NKAIN2: variants seen among roughly 807,000 people sequenced by gnomAD.
The protein encoded by NKAIN2 is sodium/potassium-transporting ATPase subunit beta-1-interacting protein 2.
A neutral mutation model predicts 32.6 loss-of-function variants in NKAIN2; 14 were observed. That is an observed-to-expected ratio of 0.43 (90% confidence interval 0.28 to 0.67). The LOEUF (loss-of-function observed/expected upper bound fraction) is 0.67, where lower values mean the gene tolerates loss of function less well. NKAIN2 is among the 30% of genes least tolerant of loss of function. The pLI is 0.17. For synonymous variants in NKAIN2, 80 were observed against 87.2 expected (o/e 0.92, Z 0.46); for missense variants, 198 against 258.3 (o/e 0.77, Z 1.60).
intron 3 of NKAIN2, among the ~76,000 whole-genome samples, chr6:124,625,960 T>A (rs995951691): frequency 2.0e-5 from 3 of 147,118 alleles, no homozygotes; most frequent in Non-Finnish European, 2.9e-5. Context: ...ATTATTATTA[T>A]ACTTTAAGTT....
chr6:123,957,858 T>G (rs1340188735), intron 1 of NKAIN2, among the ~76,000 whole-genome samples: 3 of 152,232 alleles, frequency 2.0e-5, no homozygotes, highest in African/African-American at 7.2e-5. Context: ...TTTTTTACAT[T>G]AAACCTTAGT....
intron 4 of NKAIN2, among the ~76,000 whole-genome samples, chr6:124,775,347 G>A (rs1370676582): frequency 2.0e-5 from 3 of 152,124 alleles, no homozygotes; most frequent in Non-Finnish European, 4.4e-5. Context: ...GATGAAGCCA[G>A]CCTTTAATCT....
intron 1 of NKAIN2, among the ~76,000 whole-genome samples, chr6:124,205,728 GAAAGT>G (rs1790842066): frequency 6.6e-6 from 1 of 151,736 alleles, no homozygotes; most frequent in African/African-American, 2.4e-5. Flanking sequence ...CTACACATAA[GAAAGT>G]AAAGAAGGAA....
chr6:124,779,097 G>T (rs1225069667), intron 4 of NKAIN2, among the ~76,000 whole-genome samples: 2 of 151,898 alleles, frequency 1.3e-5, no homozygotes, highest in African/African-American at 2.4e-5. Context: ...AAAATTAGCT[G>T]GGCGTGGTGG....
At chr6:124,253,719 T>C (rs1210250380) in intron 1 of NKAIN2, among the ~76,000 whole-genome samples, 1 of 152,154 alleles carries the variant, frequency 6.6e-6, no homozygotes, top group Non-Finnish European at 1.5e-5. Context: ...TGCAATAGCA[T>C]ACCTGTTATT....
chr6:124,309,365 T>C (rs1796628911), intron 2 of NKAIN2, among the ~76,000 whole-genome samples: 1 of 152,066 alleles, frequency 6.6e-6, no homozygotes, highest in African/African-American at 2.4e-5. Flanking sequence ...ATTGAAATTT[T>C]TGGGGGATAA....
chr6:124,814,587 C>A (rs1251723441), intron 5 of NKAIN2, among the ~76,000 whole-genome samples: 2 of 152,148 alleles, frequency 1.3e-5, no homozygotes, highest in African/African-American at 4.8e-5. Flanking sequence ...AGCCATCTCT[C>A]TCTACCTACA....
chr6:124,165,738 T>C (rs1285128200), intron 1 of NKAIN2, among the ~76,000 whole-genome samples: 7 of 148,370 alleles, frequency 4.7e-5, no homozygotes, highest in African/African-American at 1.2e-4. Context: ...CATTGTTCAA[T>C]TCCCACCTAT....
At chr6:124,347,850 C>G (rs1798510156) in intron 2 of NKAIN2, among the ~76,000 whole-genome samples, 1 of 152,230 alleles carries the variant, frequency 6.6e-6, no homozygotes, top group African/African-American at 2.4e-5. Context: ...AAGTCATTCT[C>G]CGTCCAGCTT....
At chr6:124,097,597 T>C (rs900740133) in intron 1 of NKAIN2, among the ~76,000 whole-genome samples, 32 of 152,182 alleles carry the variant, frequency 2.1e-4, no homozygotes, top group African/African-American at 7.0e-4. Context: ...GTTAGCTACA[T>C]GCAATTGGCA....
chr6:124,013,992 T>G (rs1047609900), intron 1 of NKAIN2, among the ~76,000 whole-genome samples: 1 of 152,186 alleles, frequency 6.6e-6, no homozygotes, highest in Non-Finnish European at 1.5e-5. Flanking sequence ...GAACTTCTGA[T>G]CTATAGAACT....
Position 123,973,691 on chromosome 6 carries a change from G to A in NKAIN2, c.54+169437G>A, listed in dbSNP as rs550429638. On this transcript the variant is annotated intron_variant, in intron 1 of 6. Coordinates refer to ENST00000368417, the MANE Select transcript of NKAIN2 (RefSeq NM_001040214.3). ...AGTAACTGTAGTTTTGACATTGAAA[G>A]TAATGGCAAAAACTGCAATTACTTT... 1.1e-4 allele frequency among the ~76,000 whole-genome samples: 17 copies of A among 152,152 alleles called. No homozygotes were observed. The South Asian group carries it at 3.5e-3, about 32-fold the overall frequency.
At chr6:124,804,171 G>C (rs1341079662) in intron 5 of NKAIN2, among the ~76,000 whole-genome samples, 2 of 152,234 alleles carry the variant, frequency 1.3e-5, no homozygotes, top group East Asian at 1.9e-4. Context: ...GTGGCATTAT[G>C]ATATATCAAG....
At chr6:123,940,621 A>G (rs1341940407) in intron 1 of NKAIN2, among the ~76,000 whole-genome samples, 1 of 152,022 alleles carries the variant, frequency 6.6e-6, no homozygotes, top group East Asian at 1.9e-4. Flanking sequence ...TGTATCCTGT[A>G]TCCAAACATA....
intron 1 of NKAIN2, among the ~76,000 whole-genome samples, chr6:124,028,958 T>A (rs574771462): frequency 6.8e-6 from 1 of 146,438 alleles, no homozygotes; most frequent in African/African-American, 2.5e-5. Flanking sequence ...AAGATGATGC[T>A]CTTCAGACTT....
At chr6:124,483,963 T>G (rs1482623118) in intron 3 of NKAIN2, among the ~76,000 whole-genome samples, 1 of 152,194 alleles carries the variant, frequency 6.6e-6, no homozygotes, top group Non-Finnish European at 1.5e-5. Flanking sequence ...CTTTATTACC[T>G]CAACAGCTTA....
chr6:124,342,219 G>T (rs569890460), intron 2 of NKAIN2, among the ~76,000 whole-genome samples: 1 of 151,534 alleles, frequency 6.6e-6, no homozygotes, highest in South Asian at 2.1e-4. Flanking sequence ...GGCTGACATG[G>T]TGAAACCCCG....
chr6:123,838,523 G>A (rs957280389), intron 1 of NKAIN2, among the ~76,000 whole-genome samples: 1 of 152,066 alleles, frequency 6.6e-6, no homozygotes, highest in African/African-American at 2.4e-5. Context: ...TCCACTCTTA[G>A]GAAGGTTTTC....
At chr6:124,656,137 A>G (rs927687670) in intron 3 of NKAIN2, among the ~76,000 whole-genome samples, 1 of 152,148 alleles carries the variant, frequency 6.6e-6, no homozygotes, top group African/African-American at 2.4e-5. Context: ...CATAAAAAAC[A>G]TTCCTTTCTC....
Sources: allele counts gnomAD v4.1 joint callset (sites outside exome capture counted in the v4.1 genomes callset), GRCh38; gene constraint gnomAD v4.1.1; transcripts MANE v1.5; gene names NCBI Gene and HGNC (gene_info 2026-07-23, HGNC 2026-07-21).